The following GRIA1 variants were observed in gnomAD, a reference collection of about 807,000 sequenced individuals.
GRIA1 encodes glutamate receptor 1.
A neutral mutation model predicts 99.2 loss-of-function variants in GRIA1; 31 were observed. The ratio of observed to expected loss-of-function variants is 0.31; its 90% CI spans 0.23 to 0.42. The LOEUF is 0.42. Ranked by LOEUF, GRIA1 falls within the 10% of genes least tolerant of loss-of-function variation. The probability of loss-of-function intolerance (pLI) is 1.00; values close to 1 mark genes in which losing one functional copy is unlikely to be tolerated. For missense variants in GRIA1, 782 were observed against 1,157.5 expected, an observed-to-expected ratio of 0.68 and a Z score of 4.71; for synonymous variants, 438 against 432.4, an observed-to-expected ratio of 1.01 and a Z score of -0.16.
At chr5:153,636,785 C>T (rs968146066) in intron 2 of GRIA1, among the ~76,000 whole-genome samples, 5 of 152,172 alleles carry the variant, frequency 3.3e-5, no homozygotes, top group South Asian at 2.1e-4. Flanking sequence ...ATGAGTAATT[C>T]ATGTAAGGCA....
At chr5:153,806,055 C>G (rs1356522382) in intron 15 of GRIA1, among the ~76,000 whole-genome samples, 1 of 152,192 alleles carries the variant, frequency 6.6e-6, no homozygotes, top group Non-Finnish European at 1.5e-5. Context: ...ATGCATTCAA[C>G]TTGCCTCTCA....
intron 9 of GRIA1, 38 bp from the exon 10 acceptor site, chr5:153,698,829 A>G: frequency 7.3e-7 from 1 of 1,378,494 alleles, no homozygotes; most frequent in Non-Finnish European, 1.0e-6. Context: ...GGGTGAACCC[A>G]TAACCCACAT....
intron 11 of GRIA1, among the ~76,000 whole-genome samples, chr5:153,757,839 G>A (rs1762929518): frequency 6.6e-6 from 1 of 152,124 alleles, no homozygotes; most frequent in South Asian, 2.1e-4. Flanking sequence ...GACACTATGT[G>A]TAACAATAAA....
intron 14 of GRIA1, among the ~76,000 whole-genome samples, chr5:153,795,885 T>C (rs1351196310): frequency 6.6e-6 from 1 of 152,124 alleles, no homozygotes; most frequent in Non-Finnish European, 1.5e-5. Context: ...TCATGGCAAG[T>C]ACTCTTTGCT....
chr5:153,755,361 T>G (rs1435531085), intron 11 of GRIA1: 1 of 152,298 alleles, frequency 6.6e-6, no homozygotes, highest in Non-Finnish European at 1.5e-5. Context: ...CACTCTCAAG[T>G]GACATCAACA....
At chr5:153,594,413 G>A (rs896905144) in intron 2 of GRIA1, among the ~76,000 whole-genome samples, 9 of 151,948 alleles carry the variant, frequency 5.9e-5, no homozygotes, top group South Asian at 2.1e-4. Flanking sequence ...CTTCAACTTC[G>A]TCTTTCAGTA....
At chr5:153,756,395 G>A (rs558594337) in intron 11 of GRIA1, among the ~76,000 whole-genome samples, 1 of 152,306 alleles carries the variant, frequency 6.6e-6, no homozygotes, top group African/African-American at 2.4e-5. Flanking sequence ...GCCCAGTCTT[G>A]GCTTTAGTTC....
intron 2 of GRIA1, 128 bp downstream of exon 2, chr5:153,494,193 C>T: frequency 1.0e-6 from 1 of 979,814 alleles, no homozygotes; most frequent in Non-Finnish European, 1.5e-6. Context: ...GAAAGCCCTC[C>T]AAGAAAAATT....
chr5:153,566,746 T>C (rs377712300), intron 2 of GRIA1, among the ~76,000 whole-genome samples: 3,034 of 142,192 alleles, frequency 0.021, 72 homozygotes, highest in African/African-American at 0.048. Context: ...GACGGAGTTT[T>C]GCTCTTGTCG....
At chr5:153,774,450 G>A (rs1053717247) in intron 13 of GRIA1, among the ~76,000 whole-genome samples, 1 of 152,146 alleles carries the variant, frequency 6.6e-6, no homozygotes, top group African/African-American at 2.4e-5. Flanking sequence ...AAACTCTTTG[G>A]AAGTGTTTAC....
chr5:153,500,593 TC>T (rs1754904792), intron 2 of GRIA1, among the ~76,000 whole-genome samples: 2 of 147,756 alleles, frequency 1.4e-5, no homozygotes, highest in Non-Finnish European at 3.0e-5. Flanking sequence ...TCTCTCTCTC[TC>T]TCTCCCCCTC....
chr5:153,620,808 C>T (rs1766969889), intron 2 of GRIA1, among the ~76,000 whole-genome samples: 1 of 152,210 alleles, frequency 6.6e-6, no homozygotes, highest in Admixed American at 6.5e-5. Flanking sequence ...TGCTGGTTCT[C>T]TTTCACAATA....
chr5:153,636,886 C>T (rs1049504060), intron 2 of GRIA1, among the ~76,000 whole-genome samples: 1 of 152,190 alleles, frequency 6.6e-6, no homozygotes, highest in Non-Finnish European at 1.5e-5. Context: ...TTGATGGACT[C>T]TCAGGGGATG....
At chr5:153,639,172 C>A (rs944331843) in intron 2 of GRIA1, among the ~76,000 whole-genome samples, 7 of 152,324 alleles carry the variant, frequency 4.6e-5, no homozygotes, top group Middle Eastern at 3.4e-3. Flanking sequence ...CATCCATGGA[C>A]TGGACTTGAG....
chr5:153,626,708 T>G (rs2149430068), intron 2 of GRIA1, among the ~76,000 whole-genome samples: 1 of 152,266 alleles, frequency 6.6e-6, no homozygotes, highest in Admixed American at 6.5e-5. Context: ...CAGCACTGTC[T>G]GTGTAGCAAG....
chr5:153,708,377 T>C (rs1759068057), intron 11 of GRIA1, among the ~76,000 whole-genome samples: 2 of 152,180 alleles, frequency 1.3e-5, no homozygotes, highest in African/African-American at 2.4e-5. Flanking sequence ...TTTCAAACTA[T>C]GCTTTCCGGA....
rs921251469 is a variant in GRIA1, at chr5:153,688,721, C to CTTT, written c.1134+2397_1134+2399dup. Among the ~76,000 whole-genome samples, 1,018 of 151,148 alleles carry CTTT rather than the reference C, an allele frequency of 6.7e-3. 6 individuals carry two copies. The highest frequency in any genetic ancestry group is 0.011 in the Non-Finnish European group (720 of 67,766). ...CCCAAGGCCATCTTCCTTTCAGATT[C>CTTT]TTTTTTTGTTTTTTTGGAGACAGAG... On this transcript the variant is annotated intron_variant, in intron 8 of 15. Transcript: ENST00000285900.
Position 153,763,075 on chromosome 5 carries a change from C to T in GRIA1, c.1824-1359C>T, listed in dbSNP as rs568831613. Among the ~76,000 whole-genome samples, 11 of 152,122 alleles carry T rather than the reference C, an allele frequency of 7.2e-5. No homozygotes were observed. In the South Asian group the frequency reaches 1.0e-3, roughly 14 times the overall value. ...TGTTCCTCTCTTTTATTTTCCCCTC[C>T]GTGTGAAACGCCTAGGAGCATTCTT... is the stretch of plus-strand genomic sequence containing the variant. On this transcript the variant is annotated intron_variant, in intron 11 of 15. Transcript: ENST00000285900.
intron 2 of GRIA1, among the ~76,000 whole-genome samples, chr5:153,498,082 T>C (rs1022773752): frequency 3.9e-4 from 60 of 152,168 alleles, no homozygotes; most frequent in Non-Finnish European, 5.9e-5. Flanking sequence ...ATACACTGTG[T>C]AAGAACCATG....
Sources: gnomAD v4.1 joint callset for allele counts (sites outside exome capture counted in the v4.1 genomes callset) on GRCh38, gnomAD v4.1.1 for gene constraint, MANE v1.5 for transcripts, NCBI Gene and HGNC (gene_info 2026-07-23, HGNC 2026-07-21) for gene names.